KCNN2: variants seen among roughly 807,000 people sequenced by gnomAD.
KCNN2 encodes small conductance calcium-activated potassium channel protein 2.
KCNN2 carries 24 observed loss-of-function variants against 55.5 expected under a neutral mutation model. That is an observed-to-expected ratio of 0.43 (90% CI 0.31 to 0.61). The LOEUF (loss-of-function observed/expected upper bound fraction) is 0.61, where lower values mean the gene tolerates loss of function less well. Among genes scored for constraint, KCNN2 ranks in the 20% least tolerant of loss-of-function variants. The probability of loss-of-function intolerance (pLI) is 0.08; values close to 1 mark genes in which losing one functional copy is unlikely to be tolerated. For synonymous variants in KCNN2, 431 were observed against 336.1 expected, an observed-to-expected ratio of 1.28 and a Z score of -3.09; for missense variants, 754 against 853.6, an observed-to-expected ratio of 0.88 and a Z score of 1.45.
intron 2 of KCNN2, among the ~76,000 whole-genome samples, chr5:114,237,143 G>C (rs1481561329): frequency 6.6e-6 from 1 of 151,966 alleles, no homozygotes; most frequent in Admixed American, 6.6e-5. Flanking sequence ...TGATTGTTCA[G>C]CTCTTGAAAA....
chr5:114,200,030 G>T (rs1753640035), intron 1 of KCNN2, among the ~76,000 whole-genome samples: 1 of 151,994 alleles, frequency 6.6e-6, no homozygotes, highest in South Asian at 2.1e-4. Context: ...AAATTGCTGT[G>T]CCTCCTCTAT....
intron 2 of KCNN2, among the ~76,000 whole-genome samples, chr5:114,256,633 G>A (rs1405397145): frequency 1.3e-5 from 2 of 151,842 alleles, no homozygotes; most frequent in Non-Finnish European, 2.9e-5. Flanking sequence ...AGTGATGTTG[G>A]GCATTTTTTC....
chr5:114,176,295 C>G (rs976524257), intron 1 of KCNN2, among the ~76,000 whole-genome samples: 3 of 152,164 alleles, frequency 2.0e-5, no homozygotes, highest in African/African-American at 7.2e-5. Flanking sequence ...TCACCTCAGA[C>G]AAAGCTATAA....
intron 2 of KCNN2, among the ~76,000 whole-genome samples, chr5:114,295,724 C>G (rs1272379789): frequency 3.3e-5 from 5 of 152,158 alleles, no homozygotes; most frequent in African/African-American, 1.2e-4. Context: ...CACCCACTGT[C>G]TGGCACTCCC....
chr5:114,341,703 T>C (rs940718661), intron 2 of KCNN2, among the ~76,000 whole-genome samples: 9 of 152,138 alleles, frequency 5.9e-5, no homozygotes, highest in African/African-American at 1.9e-4. Context: ...TCTATAAAAA[T>C]ATTTCATTAG....
chr5:114,158,149 A>G (rs1239139350), intron 1 of KCNN2, among the ~76,000 whole-genome samples: 1 of 152,012 alleles, frequency 6.6e-6, no homozygotes, highest in South Asian at 2.1e-4. Flanking sequence ...CTAACATGTA[A>G]GTCTTTAATC....
At chr5:114,479,988 T>G (rs1478015381) in intron 5 of KCNN2, among the ~76,000 whole-genome samples, 1 of 151,764 alleles carries the variant, frequency 6.6e-6, no homozygotes, top group Non-Finnish European at 1.5e-5. Flanking sequence ...ACCCCAAAGA[T>G]AGCAGAAGAC....
At chr5:114,364,049 G>A in intron 2 of KCNN2, 48 bp downstream of exon 2, 1 of 1,427,272 alleles carries the variant, frequency 7.0e-7, no homozygotes, top group South Asian at 1.2e-5. Context: ...CCTACAGTCA[G>A]CCTAGAGAAA....
intron 2 of KCNN2, among the ~76,000 whole-genome samples, chr5:114,391,880 T>C (rs1180103165): frequency 1.3e-5 from 2 of 152,110 alleles, no homozygotes; most frequent in East Asian, 1.9e-4. Context: ...TGTGACTCTT[T>C]TGGTCTGTTT....
At chr5:114,131,591 C>T (rs1007354738) in intron 1 of KCNN2, among the ~76,000 whole-genome samples, 1 of 152,102 alleles carries the variant, frequency 6.6e-6, no homozygotes, top group Admixed American at 6.6e-5. Flanking sequence ...GCACTGAACA[C>T]ACGCATGCAT....
chr5:114,469,756 A>G (rs1580885850), intron 4 of KCNN2, among the ~76,000 whole-genome samples: 1 of 152,200 alleles, frequency 6.6e-6, no homozygotes, highest in East Asian at 1.9e-4. Context: ...GTTGGCAGGA[A>G]TTTACCTTGA....
At chr5:114,165,446 T>C (rs1252863913) in intron 1 of KCNN2, among the ~76,000 whole-genome samples, 1 of 152,228 alleles carries the variant, frequency 6.6e-6, no homozygotes, top group African/African-American at 2.4e-5. Context: ...GCAAAAACAG[T>C]TGTGAAACAA....
At chr5:114,332,017 A>G (rs2150033427) in intron 2 of KCNN2, among the ~76,000 whole-genome samples, 1 of 152,314 alleles carries the variant, frequency 6.6e-6, no homozygotes, top group South Asian at 2.1e-4. Context: ...ATAAAAACCA[A>G]AAGGTTCCAT....
rs1342175368 is a variant in KCNN2 at position 114,369,680 on chromosome 5, C to A, written c.1218+5679C>A. 2.6e-5 allele frequency among the ~76,000 whole-genome samples: 4 copies of A among 152,086 alleles called. No individual in the cohort carries two copies. The East Asian group carries it at 7.7e-4, about 29-fold the overall frequency. On this transcript the variant is annotated intron_variant, in intron 2 of 7. Transcript: ENST00000673685. ...CTCAGTCCCTTTGACTTTGTGTATA[C>A]ACTGTAGTAACGAAATCACTCAGGA... is the stretch of plus-strand genomic sequence containing the variant.
At chr5:114,444,208 G>A (rs970910548) in intron 3 of KCNN2, among the ~76,000 whole-genome samples, 1 of 152,094 alleles carries the variant, frequency 6.6e-6, no homozygotes, top group African/African-American at 2.4e-5. Flanking sequence ...CCAGCACAGG[G>A]CATATTGCTT....
At chr5:114,310,201 T>G (rs973297051) in intron 2 of KCNN2, among the ~76,000 whole-genome samples, 3 of 152,154 alleles carry the variant, frequency 2.0e-5, no homozygotes, top group Admixed American at 6.6e-5. Context: ...CTTCTGTGTT[T>G]GCATACCAAC....
rs558011323 is a variant in KCNN2 at position 114,313,518 on chromosome 5, C to T, written c.-184-47427C>T. ...TACAGTGATGATAAAAAGGTGCTGA[C>T]GTGTGGACAAAGATGAAGATGAAGA... is the stretch of plus-strand genomic sequence containing the variant. On this transcript the variant is annotated intron_variant, in intron 2 of 10. Coordinates refer to the KCNN2 transcript ENST00000512097. Among the ~76,000 whole-genome samples the T allele has an allele frequency of 9.2e-5, 14 of 152,132 alleles. No individual in the cohort carries two copies. In the East Asian group the frequency reaches 1.9e-3, roughly 21 times the overall value.
intron 2 of KCNN2, among the ~76,000 whole-genome samples, chr5:114,334,085 T>C (rs1474652781): frequency 6.6e-6 from 1 of 152,224 alleles, no homozygotes; most frequent in Non-Finnish European, 1.5e-5. Flanking sequence ...AAAGCACTTA[T>C]TATTTCACAC....
In KCNN2 at chr5:114,072,054, A is replaced by G. The variant is rs113353658; in HGVS notation, c.-271+15554A>G. 8.5e-3 allele frequency among the ~76,000 whole-genome samples: 1,294 copies of G among 152,316 alleles called. 26 individuals carry two copies. Among genetic ancestry groups the G allele is most frequent in the African/African-American group, 0.029 (1,223 of 41,564 alleles). On this transcript the variant is annotated intron_variant, in intron 1 of 10. Coordinates refer to the KCNN2 transcript ENST00000512097. ...ATGCCTGAAATCCCAGCACTTTGGG[A>G]GGCCAAGGTGGGTGGATCACCTGAG...
Sources: allele counts gnomAD v4.1 joint callset (sites outside exome capture counted in the v4.1 genomes callset), GRCh38; gene constraint gnomAD v4.1.1; transcripts MANE v1.5; gene names NCBI Gene and HGNC (gene_info 2026-07-23, HGNC 2026-07-21).